ENOX1: variants seen among roughly 807,000 people sequenced by gnomAD.
ENOX1 encodes the protein candidate growth-related and time keeping constitutive hydroquinone (NADH) oxidase.
ENOX1 carries 42 observed loss-of-function variants against 82.5 expected under a neutral mutation model. The ratio of observed to expected loss-of-function variants is 0.51; its 90% CI spans 0.40 to 0.66. The LOEUF (loss-of-function observed/expected upper bound fraction) is 0.66, where lower values mean the gene tolerates loss of function less well. ENOX1 is among the 30% of genes least tolerant of loss of function. The pLI, the probability that ENOX1 is intolerant of heterozygous loss-of-function variation, is 0.00. For missense variants in ENOX1, 608 were observed against 811.6 expected (o/e 0.75, Z 3.05); for synonymous variants, 271 against 282.2 (o/e 0.96, Z 0.40).
intron 5 of ENOX1, among the ~76,000 whole-genome samples, chr13:43,393,800 T>TC (rs1355996676): frequency 6.6e-6 from 1 of 152,196 alleles, no homozygotes; most frequent in East Asian, 1.9e-4. Context: ...TGGATGTGTG[T>TC]CCCCTCCAAA....
At chr13:43,319,505 C>A (rs188074508) in intron 11 of ENOX1, among the ~76,000 whole-genome samples, 17 of 152,290 alleles carry the variant, frequency 1.1e-4, no homozygotes, top group African/African-American at 4.1e-4. Context: ...AGTCCTTACA[C>A]AATAAATTGT....
At chr13:43,435,465 T>C (rs887772604) in intron 3 of ENOX1, among the ~76,000 whole-genome samples, 5 of 152,226 alleles carry the variant, frequency 3.3e-5, no homozygotes, top group Non-Finnish European at 7.3e-5. Flanking sequence ...TCCTGTCCTC[T>C]CTGCCCAGTT....
intron 1 of ENOX1, among the ~76,000 whole-genome samples, chr13:43,687,852 A>G (rs1200544901): frequency 6.6e-6 from 1 of 152,174 alleles, no homozygotes; most frequent in Non-Finnish European, 1.5e-5. Context: ...ACCAAAGCCA[A>G]TCTGGAGATC....
At chr13:43,326,565 T>C in intron 9 of ENOX1, 40 bp from the exon 10 acceptor site, 1 of 1,533,160 alleles carries the variant, frequency 6.5e-7, no homozygotes, top group Non-Finnish European at 9.0e-7. Context: ...AAGTAATTTA[T>C]GTTGTGATCA....
chr13:43,353,209 G>GA (rs1354571482), intron 8 of ENOX1, among the ~76,000 whole-genome samples: 1 of 152,188 alleles, frequency 6.6e-6, no homozygotes, highest in Admixed American at 6.5e-5. Flanking sequence ...GAAGAAGAGA[G>GA]AAAATAATTA....
At chr13:43,236,492 T>C (rs143999345) in intron 15 of ENOX1, 144 bp downstream of exon 15, 9 of 512,614 alleles carry the variant, frequency 1.8e-5, no homozygotes, top group Admixed American at 4.1e-5. Flanking sequence ...ATTTGAAATG[T>C]ATGTAATATA....
chr13:43,703,528 C>T (rs958284902), intron 1 of ENOX1, among the ~76,000 whole-genome samples: 1 of 152,170 alleles, frequency 6.6e-6, no homozygotes, highest in Non-Finnish European at 1.5e-5. Flanking sequence ...GCTTATCTTC[C>T]TTTCTACTTC....
At chr13:43,472,664 T>C (rs1159638157) in intron 3 of ENOX1, among the ~76,000 whole-genome samples, 1 of 152,212 alleles carries the variant, frequency 6.6e-6, no homozygotes, top group Non-Finnish European at 1.5e-5. Flanking sequence ...ACTGAGGTTA[T>C]GGGATTTTTG....
chr13:43,364,210 C>T (rs1473037104), intron 5 of ENOX1, among the ~76,000 whole-genome samples: 1 of 152,138 alleles, frequency 6.6e-6, no homozygotes, highest in African/African-American at 2.4e-5. Flanking sequence ...AAGACACAAA[C>T]ACAGGAAGAC....
intron 2 of ENOX1, among the ~76,000 whole-genome samples, chr13:43,566,605 G>A (rs2079931257): frequency 6.6e-6 from 1 of 151,440 alleles, no homozygotes; most frequent in Admixed American, 6.6e-5. Flanking sequence ...CAATACAGAA[G>A]GAACACTGGT....
intron 2 of ENOX1, among the ~76,000 whole-genome samples, chr13:43,636,104 G>C (rs2083404510): frequency 6.6e-6 from 1 of 152,168 alleles, no homozygotes; most frequent in Non-Finnish European, 1.5e-5. Context: ...CAGGCTGCCT[G>C]AGGTTGGAGA....
chr13:43,567,025 G>A (rs887935621), intron 2 of ENOX1, among the ~76,000 whole-genome samples: 19 of 152,080 alleles, frequency 1.2e-4, no homozygotes, highest in Non-Finnish European at 2.1e-4. Flanking sequence ...AACAGAAAAT[G>A]TTATTCCATC....
chr13:43,407,205 C>T (rs776281223), intron 5 of ENOX1, among the ~76,000 whole-genome samples: 9 of 152,184 alleles, frequency 5.9e-5, no homozygotes, highest in Non-Finnish European at 1.0e-4. Context: ...AAAGGGACAA[C>T]GTGTGCCACA....
intron 2 of ENOX1, among the ~76,000 whole-genome samples, chr13:43,614,810 T>C (rs1268808584): frequency 6.6e-6 from 1 of 152,146 alleles, no homozygotes; most frequent in Non-Finnish European, 1.5e-5. Context: ...ATGCGGGATG[T>C]GGACTCTGGA....
intron 1 of ENOX1, among the ~76,000 whole-genome samples, chr13:43,717,457 A>C (rs769978463): frequency 5.3e-5 from 8 of 152,330 alleles, no homozygotes; most frequent in Non-Finnish European, 8.8e-5. Context: ...AAACCTAGGA[A>C]ATCCCTTCTC....
At chr13:43,706,346 T>A (rs1285624568) in intron 1 of ENOX1, among the ~76,000 whole-genome samples, 1 of 151,468 alleles carries the variant, frequency 6.6e-6, no homozygotes. Flanking sequence ...CAGGGCCAAT[T>A]TGGGTTCTTG....
chr13:43,221,575 C>T (rs2041791294), intron 16 of ENOX1, among the ~76,000 whole-genome samples: 1 of 152,114 alleles, frequency 6.6e-6, no homozygotes, highest in Non-Finnish European at 1.5e-5. Context: ...GTTTCTGATA[C>T]AAGAGAACCG....
chr13:43,259,139 GT>G (rs1334796213), intron 14 of ENOX1, among the ~76,000 whole-genome samples: 1 of 152,198 alleles, frequency 6.6e-6, no homozygotes, highest in Admixed American at 6.5e-5. Context: ...GGTAGGTATG[GT>G]TATTACCTTA....
chr13:43,257,063 G>C (rs1367154829), intron 14 of ENOX1, among the ~76,000 whole-genome samples: 3 of 152,184 alleles, frequency 2.0e-5, no homozygotes, highest in Admixed American at 2.0e-4. Context: ...GACATAGGAA[G>C]TTAGACACCA....
Sources: allele counts gnomAD v4.1 joint callset (sites outside exome capture counted in the v4.1 genomes callset), GRCh38; gene constraint gnomAD v4.1.1; transcripts MANE v1.5; gene names NCBI Gene and HGNC (gene_info 2026-07-23, HGNC 2026-07-21).